The following SCAP variants were observed in gnomAD, a reference collection of about 807,000 sequenced individuals.
The protein encoded by SCAP is sterol regulatory element-binding protein cleavage-activating protein.
Under a neutral mutation model 123.6 loss-of-function variants are expected in SCAP, and 65 were observed. The ratio of observed to expected loss-of-function variants is 0.53; its 90% CI spans 0.43 to 0.65. The LOEUF (loss-of-function observed/expected upper bound fraction) is 0.65. Among genes scored for constraint, SCAP ranks in the 30% least tolerant of loss-of-function variants. The pLI is 0.00. For synonymous variants in SCAP, 740 were observed against 726.3 expected, an observed-to-expected ratio of 1.02 and a Z score of -0.30; for missense variants, 1,398 against 1,712.5, an observed-to-expected ratio of 0.82 and a Z score of 3.24.
Position 47,414,833 on chromosome 3 carries a change from T to C in SCAP, c.3300A>G (p.Thr1100=), listed in dbSNP as rs776177810. The change falls in exon 20 of 23, where the codon ACA becomes ACG. Residue 1100 remains threonine, a synonymous_variant. Transcript: ENST00000265565. ...GAGACAAGACAATACTCACTCTCAG[T>C]GTGTGGTCTTGGCTCCCAGTCACCA... ...GRLVTGSQDH[T]LRVFRLEDSC... 1.9e-6 allele frequency: 3 copies of C among 1,606,032 alleles called. No homozygotes were observed. Among genetic ancestry groups the C allele is most frequent in the Admixed American group, 1.7e-5 (1 of 59,598 alleles).
intron 1 of SCAP, among the ~76,000 whole-genome samples, chr3:47,473,087 A>AAAAAAAAAAAAAAAAAAAAC (rs1708124949): frequency 2.1e-5 from 3 of 144,582 alleles, no homozygotes. Flanking sequence ...TCTCAAAAAA[A>AAAAAAAAAAAAAAAAAAAAC]AAAAAAAAAA....
chr3:47,423,514 C>T (rs1705998299), intron 9 of SCAP, among the ~76,000 whole-genome samples: 1 of 152,240 alleles, frequency 6.6e-6, no homozygotes, highest in Admixed American at 6.5e-5. Flanking sequence ...CCACCTCAGC[C>T]TCTTGAGTAG....
At position 47,418,668 on chromosome 3, in the gene SCAP, C is replaced by T. The variant is rs541369635; in HGVS notation, c.2116G>A (p.Val706Ile). The change falls in exon 14 of 23, where the codon GTC becomes ATC. Residue 706 changes from valine to isoleucine, a missense_variant. Coordinates refer to ENST00000265565, the MANE Select transcript of SCAP (RefSeq NM_012235.4). The stretch of plus-strand genomic sequence containing the variant: ...CAGCAGCCTTACTTGTACAGCGTGA[C>T]GTCTCCATGGGCCTGCACCCCACCT... ...GPGGVQAHGD[V>I]TLYKVAALGL... is the part of the protein sequence containing the mutation. 57 of 1,385,114 alleles carry T rather than the reference C, an allele frequency of 4.1e-5. No individual in the cohort carries two copies. Among genetic ancestry groups the T allele is most frequent in the Middle Eastern group, 2.0e-4 (1 of 5,054 alleles). The allele number at this position is 1,385,114 out of a possible 1,614,324, so 85.8% of individuals were successfully genotyped here. A position where few individuals can be genotyped will look rare whatever the true frequency, so the allele number is the denominator to read the frequency against.
Position 47,427,517 on chromosome 3 carries a change from A to G in SCAP, c.561T>C (p.Ala187=), listed in dbSNP as rs1706190910. The change falls in exon 5 of 23, where the codon GCT becomes GCC. Residue 187 remains alanine, a synonymous_variant. Coordinates refer to ENST00000265565, the MANE Select transcript of SCAP (RefSeq NM_012235.4). ...GGATGGTCCCAATGATGTCAGGATC[A>G]GCATGGAAGCGTTCCCAGTCATTCT... is the stretch of plus-strand genomic sequence containing the variant. ...FWQNDWERFH[A]DPDIIGTIHQ... is the part of the protein sequence containing the mutation. 3.7e-6 allele frequency: 6 copies of G among 1,614,232 alleles called. No homozygotes were observed. The highest frequency in any genetic ancestry group is 5.1e-6 in the Non-Finnish European group (6 of 1,180,034).
In SCAP at chr3:47,419,513, A is replaced by C. The variant is rs767279116; in HGVS notation, c.1755T>G (p.Pro585=). 1 of 1,613,890 alleles carries C rather than the reference A, an allele frequency of 6.2e-7. No individual in the cohort carries two copies. The highest frequency in any genetic ancestry group is 1.1e-5 in the South Asian group (1 of 91,086). The change falls in exon 13 of 23, where the codon CCT becomes CCG. Residue 585 remains proline, a synonymous_variant. Transcript: ENST00000265565. This position sits in a 1 kb window ranked among gnomAD's most constrained non-coding sequence, Gnocchi z 5.0. ...PAFSIFPPDA[P]KLPENQTSPG... is the part of the protein sequence containing the mutation. The stretch of plus-strand genomic sequence containing the variant: ...GCGACGTCTGGTTCTCAGGTAGCTT[A>C]GGGGCATCAGGTGGGAAGATGGAGA...
At chr3:47,440,366 T>C (rs999140873) in intron 2 of SCAP, among the ~76,000 whole-genome samples, 5 of 152,214 alleles carry the variant, frequency 3.3e-5, no homozygotes, top group African/African-American at 4.8e-5. Context: ...CCTGGGTCCA[T>C]GATCTCTGGT....
chr3:47,472,864 T>C (rs2108038601), intron 1 of SCAP, among the ~76,000 whole-genome samples: 1 of 152,096 alleles, frequency 6.6e-6, no homozygotes, highest in African/African-American at 2.4e-5. Context: ...GCGGATCACC[T>C]GAGATCGGGA....
At chr3:47,469,628 G>A (rs1353146872) in intron 1 of SCAP, 2 of 213,518 alleles carry the variant, frequency 9.4e-6, no homozygotes, top group East Asian at 1.4e-4. Context: ...CAAAGTGCTG[G>A]GATTACAGGC....
intron 17 of SCAP, 26 bp from the exon 18 acceptor site, chr3:47,417,233 C>G: frequency 6.2e-7 from 1 of 1,612,740 alleles, no homozygotes. Context: ...CTGTGAGCAC[C>G]TGCCAGCCAG....
intron 8 of SCAP, among the ~76,000 whole-genome samples, chr3:47,424,893 T>C (rs1029764492): frequency 3.9e-5 from 6 of 152,048 alleles, no homozygotes; most frequent in Non-Finnish European, 5.9e-5. Context: ...GATCAAAGCC[T>C]GAGGACAAGC....
intron 3 of SCAP, among the ~76,000 whole-genome samples, chr3:47,429,968 C>CA (rs1443585604): frequency 1.3e-5 from 2 of 152,166 alleles, no homozygotes; most frequent in Non-Finnish European, 2.9e-5. Flanking sequence ...AATTTTAAAT[C>CA]ACAGCTTTCC....
At chr3:47,415,247 G>T in intron 18 of SCAP, 67 bp from the exon 19 acceptor site, 2 of 1,448,770 alleles carry the variant, frequency 1.4e-6, no homozygotes. Context: ...TGAGCATGTG[G>T]ACATGAGAGT....
At position 47,420,408 on chromosome 3, in the gene SCAP, C is replaced by T. The variant is rs1282904795; in HGVS notation, c.1563+146G>A. On this transcript the variant is annotated intron_variant, in intron 12 of 22. Coordinates refer to ENST00000265565, the MANE Select transcript of SCAP (RefSeq NM_012235.4). This position sits in a 1 kb window ranked among gnomAD's most constrained non-coding sequence, Gnocchi z 5.0. ...TAGGGTCTGGGCAGGGAGGACACAA[C>T]GGGCAACTCCCCAGAGCCAGGCTTC... 21 of 699,314 alleles carry T rather than the reference C, an allele frequency of 3.0e-5. No individual in the cohort carries two copies. Among genetic ancestry groups the T allele is most frequent in the Non-Finnish European group, 4.2e-5 (18 of 427,948 alleles). 43.3% of individuals were successfully genotyped at this position (699,314 alleles called of 1,614,324 possible).
At chr3:47,428,695 G>A (rs758809528) in intron 3 of SCAP, 25 bp from the exon 4 acceptor site, 1 of 1,611,640 alleles carries the variant, frequency 6.2e-7, no homozygotes. Flanking sequence ...AGGGAGGGCA[G>A]AAAGGGCAGC....
At position 47,420,231 on chromosome 3, in the gene SCAP, C is replaced by T. The variant is rs936591798; in HGVS notation, c.1563+323G>A. The stretch of plus-strand genomic sequence containing the variant: ...CACACCATGCAGCGGCCGATGAACC[C>T]GACCCAGGGCAATGTGGTGGCCACA... On this transcript the variant is annotated intron_variant, in intron 12 of 22. Transcript: ENST00000265565. The surrounding 1 kb of genome is among the most constrained non-coding windows in gnomAD (Gnocchi z 5.0). 1.3e-5 allele frequency among the ~76,000 whole-genome samples: 2 copies of T among 152,170 alleles called. No individual in the cohort carries two copies. Among genetic ancestry groups the T allele is most frequent in the African/African-American group, 2.4e-5 (1 of 41,454 alleles).
At chr3:47,441,874 C>CTTTTTTTTTTTTTTTTT (rs1160447716) in intron 2 of SCAP, among the ~76,000 whole-genome samples, 2 of 76,414 alleles carry the variant, frequency 2.6e-5, no homozygotes, top group African/African-American at 5.4e-5. Flanking sequence ...GTTCATCTTT[C>CTTTTTTTTTTTTTTTTT]TTTTTTTTTT....
Position 47,418,073 on chromosome 3 carries a change from GC to G in SCAP, c.2447+60del, listed in dbSNP as rs1280956595. ...AAGAAAGGAGGGGAGATACGTGGCG[GC>G]GGGGGGTGGGGTGAGGGGGGTTGTG... On this transcript the variant is annotated intron_variant, in intron 16 of 22. Coordinates refer to ENST00000265565, the MANE Select transcript of SCAP (RefSeq NM_012235.4). The G allele has an allele frequency of 2.9e-5, 37 of 1,262,534 alleles. No individual in the cohort carries two copies. The Admixed American group carries it at 5.8e-4, about 20-fold the overall frequency. The allele number at this position is 1,262,534 out of a possible 1,614,324, so 78.2% of individuals were successfully genotyped here.
At chr3:47,456,677 A>C (rs1455921847) in intron 1 of SCAP, among the ~76,000 whole-genome samples, 2 of 151,982 alleles carry the variant, frequency 1.3e-5, no homozygotes, top group Non-Finnish European at 2.9e-5. Flanking sequence ...AGACAGGAGA[A>C]TCACTTGAAC....
chr3:47,413,852 G>A lies in SCAP; in HGVS notation c.*2C>T, dbSNP rs547075542. On this transcript the variant is annotated 3_prime_UTR_variant, in exon 23 of 23. Coordinates refer to ENST00000265565, the MANE Select transcript of SCAP (RefSeq NM_012235.4). ...TCCTGCCTGGGCAAGGAGGCCCTGC[G>A]CTCAGTCCAGCTTCTCCAGCACAGA... The A allele has an allele frequency of 1.6e-4, 254 of 1,611,644 alleles. No homozygotes were observed. The South Asian group carries it at 2.4e-3, about 15-fold the overall frequency.
Sources: allele counts gnomAD v4.1 joint callset (sites outside exome capture counted in the v4.1 genomes callset), GRCh38; gene constraint gnomAD v4.1.1; non-coding constraint Gnocchi (gnomAD v3.1); transcripts MANE v1.5; gene names NCBI Gene and HGNC (gene_info 2026-07-23, HGNC 2026-07-21).